The following NFYB variants were observed in gnomAD, a reference collection of about 807,000 sequenced individuals.
NFYB encodes nuclear transcription factor Y subunit beta.
In NFYB, 13 loss-of-function variants were observed where a neutral mutation model predicts 28.0. The observed-to-expected ratio is 0.46, with a 90% CI of 0.30 to 0.74. The LOEUF (loss-of-function observed/expected upper bound fraction) is 0.74. Among genes scored for constraint, NFYB ranks in the 30% least tolerant of loss-of-function variants. The pLI, the probability that NFYB is intolerant of heterozygous loss-of-function variation, is 0.07. For synonymous variants in NFYB, 74 were observed against 75.0 expected (o/e 0.99, Z 0.07); for missense variants, 142 against 247.6 (o/e 0.57, Z 2.86).
chr12:104,128,235 C>T lies in NFYB; in HGVS notation c.100+189G>A, dbSNP rs183276224. ...TATAGTAAAAGTCTTTTCAAGGACT[C>T]ATTCTTTTGAAGACTATTTCTAATA... On this transcript the variant is annotated intron_variant, in intron 3 of 7. Coordinates refer to ENST00000240055, the MANE Select transcript of NFYB (RefSeq NM_006166.4). 3.0e-3 allele frequency among the ~76,000 whole-genome samples: 451 copies of T among 152,326 alleles called. 10 individuals are homozygous for T. The highest frequency in any genetic ancestry group is 0.028 in the Admixed American group (425 of 15,292).
At chr12:104,130,541 A>C (rs1002245788) in intron 2 of NFYB, among the ~76,000 whole-genome samples, 2 of 152,204 alleles carry the variant, frequency 1.3e-5, no homozygotes, top group African/African-American at 4.8e-5. Context: ...AGTAGCCTCT[A>C]AGAAGTAAAC....
chr12:104,129,750 G>A (rs980059562), intron 2 of NFYB, among the ~76,000 whole-genome samples: 1 of 152,150 alleles, frequency 6.6e-6, no homozygotes, highest in African/African-American at 2.4e-5. Context: ...GCCAGGCGTT[G>A]TGGCATGTGC....
chr12:104,119,762 C>T lies in NFYB; in HGVS notation c.599G>A (p.Gly200Asp). The T allele has an allele frequency of 1.3e-6, 2 of 1,599,100 alleles. No homozygotes were observed. Among genetic ancestry groups the T allele is most frequent in the Non-Finnish European group, 8.6e-7 (1 of 1,168,276 alleles). ...TCATGAAAACTGAATTTGCTGAACA[C>T]CAGAAATCTAAGATTAGAAAATTTA... is the stretch of plus-strand genomic sequence containing the variant. ...VYTTSYQQIS[G>D]VQQIQFS Residue 200 changes from glycine (G) to aspartate (D), a missense_variant, in exon 8 of 8, where the codon GGT becomes GAT. Transcript: ENST00000240055.
intron 2 of NFYB, among the ~76,000 whole-genome samples, chr12:104,129,135 G>A (rs537007889): frequency 6.6e-6 from 1 of 152,178 alleles, no homozygotes; most frequent in East Asian, 1.9e-4. Flanking sequence ...AGTACCACAG[G>A]CAACCCTGAC....
chr12:104,137,787 C>G (rs2031169211), intron 1 of NFYB: 2 of 147,536 alleles, frequency 1.4e-5, no homozygotes, highest in South Asian at 4.1e-4. Flanking sequence ...GGAGCCGGCC[C>G]GGGACGCCGT....
At position 104,118,443 on chromosome 12, in the gene NFYB, C is replaced by T. The variant is rs1168278561; in HGVS notation, c.*1294G>A. ...TCAGCCTATATCTGGGAAATTGCTT[C>T]TACCTTATAAATTTGAGTGTCCTTC... On this transcript the variant is annotated 3_prime_UTR_variant, in exon 8 of 8. Coordinates refer to ENST00000240055, the MANE Select transcript of NFYB (RefSeq NM_006166.4). The T allele has an allele frequency of 6.6e-6, 1 of 152,594 alleles. No individual in the cohort carries two copies. Among genetic ancestry groups the T allele is most frequent in the African/African-American group, 2.4e-5 (1 of 41,424 alleles). The allele number at this position is 152,594 out of a possible 1,614,324, so 9.5% of individuals were successfully genotyped here.
chr12:104,137,462 C>A (rs1415907841), intron 1 of NFYB: 1 of 152,216 alleles, frequency 6.6e-6, no homozygotes, highest in Non-Finnish European at 1.5e-5. Flanking sequence ...AAAGCCATGC[C>A]TTCCTCCCCA....
intron 2 of NFYB, among the ~76,000 whole-genome samples, chr12:104,135,001 TG>T (rs2031052962): frequency 6.6e-6 from 1 of 152,230 alleles, no homozygotes; most frequent in Non-Finnish European, 1.5e-5. Flanking sequence ...ATCAGGCTTT[TG>T]CTTTTGGTGA....
rs2030371537 is a variant in NFYB, at chr12:104,119,130, A to G, written c.*607T>C. 6.6e-6 allele frequency: 1 copy of G among 152,636 alleles called. No individual in the cohort carries two copies. The highest frequency in any genetic ancestry group is 1.9e-4 in the East Asian group (1 of 5,208). The allele number at this position is 152,636 out of a possible 1,614,324, so 9.5% of individuals were successfully genotyped here. A position where few individuals can be genotyped will look rare whatever the true frequency, so the allele number is the denominator to read the frequency against. ...GGGCACCAAGTTTAACAGGGCAGAC[A>G]ATATTTGCTTCTGCATTCACACTTA... On this transcript the variant is annotated 3_prime_UTR_variant, in exon 8 of 8. Transcript: ENST00000240055.
chr12:104,126,649 C>T (rs912634338), intron 3 of NFYB, among the ~76,000 whole-genome samples: 16 of 152,054 alleles, frequency 1.1e-4, no homozygotes, highest in Admixed American at 1.3e-4. Flanking sequence ...CTTAATGTCA[C>T]GAATCAGCTT....
chr12:104,130,973 A>T (rs1014167414), intron 2 of NFYB, among the ~76,000 whole-genome samples: 3 of 152,202 alleles, frequency 2.0e-5, no homozygotes, highest in South Asian at 2.1e-4. Context: ...TTCCTGAATG[A>T]GTGTTTACAT....
intron 2 of NFYB, among the ~76,000 whole-genome samples, chr12:104,130,295 A>G (rs2030876470): frequency 6.6e-6 from 1 of 152,254 alleles, no homozygotes; most frequent in African/African-American, 2.4e-5. Flanking sequence ...TAGTCCTTGT[A>G]TAACACATGT....
chr12:104,137,154 G>C (rs979714406), intron 1 of NFYB, among the ~76,000 whole-genome samples: 1 of 152,286 alleles, frequency 6.6e-6, no homozygotes, highest in Admixed American at 6.5e-5. Context: ...CGCAACTATG[G>C]GGTCCATGCG....
rs2030359853 is a variant in NFYB, at chr12:104,118,839, T to A, written c.*898A>T. On this transcript the variant is annotated 3_prime_UTR_variant, in exon 8 of 8. Coordinates refer to ENST00000240055, the MANE Select transcript of NFYB (RefSeq NM_006166.4). The stretch of plus-strand genomic sequence containing the variant: ...TGTAACAGGAAACTTGACATTTCAA[T>A]TAAAAAGGTAAAATGAAGACATTTA... 1 of 152,116 alleles carries A rather than the reference T, an allele frequency of 6.6e-6. No homozygotes were observed. Among genetic ancestry groups the A allele is most frequent in the African/African-American group, 2.4e-5 (1 of 41,420 alleles). The allele number at this position is 152,116 out of a possible 1,614,324, so 9.4% of individuals were successfully genotyped here. A position where few individuals can be genotyped will look rare whatever the true frequency, so the allele number is the denominator to read the frequency against.
At chr12:104,121,128 T>TA (rs1411714223) in intron 6 of NFYB, 112 bp downstream of exon 6, 19 of 854,506 alleles carry the variant, frequency 2.2e-5, no homozygotes, top group Non-Finnish European at 3.6e-5. Context: ...AAGAACTATT[T>TA]AAAATAGTGC....
In NFYB at chr12:104,118,537, TAAAA is replaced by T. The variant is rs1358495832; in HGVS notation, c.*1196_*1199del. The T allele has an allele frequency of 6.6e-6, 1 of 152,558 alleles. No individual in the cohort carries two copies. The highest frequency in any genetic ancestry group is 1.5e-5 in the Non-Finnish European group (1 of 68,010). 9.5% of individuals were successfully genotyped at this position (152,558 alleles called of 1,614,324 possible). On this transcript the variant is annotated 3_prime_UTR_variant, in exon 8 of 8. Coordinates refer to ENST00000240055, the MANE Select transcript of NFYB (RefSeq NM_006166.4). ...ATAGCAATTTTTGATATTAAAAACT[TAAAA>T]AAGAAATCCCTCAAGTTAATTAACA...
chr12:104,131,992 G>T (rs1215463978), intron 2 of NFYB, among the ~76,000 whole-genome samples: 2 of 152,202 alleles, frequency 1.3e-5, no homozygotes, highest in East Asian at 3.8e-4. Flanking sequence ...CCAGGCTCCT[G>T]TACAGGTTAG....
chr12:104,129,713 T>TA (rs532828513), intron 2 of NFYB, among the ~76,000 whole-genome samples: 12 of 150,156 alleles, frequency 8.0e-5, no homozygotes, highest in East Asian at 5.8e-4. Context: ...ACCCTGTCTC[T>TA]AAAAAAAAAC....
chr12:104,129,140 C>T (rs1223269439), intron 2 of NFYB, among the ~76,000 whole-genome samples: 1 of 152,138 alleles, frequency 6.6e-6, no homozygotes, highest in Non-Finnish European at 1.5e-5. Flanking sequence ...CACAGGCAAC[C>T]CTGACTTACA....
Sources: gnomAD v4.1 joint callset for allele counts (sites outside exome capture counted in the v4.1 genomes callset) on GRCh38, gnomAD v4.1.1 for gene constraint, MANE v1.5 for transcripts, NCBI Gene and HGNC (gene_info 2026-07-23, HGNC 2026-07-21) for gene names.